Variants in TENM4 observed in about 807,000 individuals in gnomAD.
The protein encoded by TENM4 is teneurin transmembrane protein 4.
In TENM4, 82 loss-of-function variants were observed where a neutral mutation model predicts 243.3. The ratio of observed to expected loss-of-function variants is 0.34; its 90% CI spans 0.28 to 0.40. The LOEUF is 0.40. Among genes scored for constraint, TENM4 ranks in the 10% least tolerant of loss-of-function variants. TENM4 has a pLI of 1.00. For missense variants in TENM4, 3,138 were observed against 3,673.3 expected, an observed-to-expected ratio of 0.85 and a Z score of 3.77; for synonymous variants, 1,412 against 1,456.3, an observed-to-expected ratio of 0.97 and a Z score of 0.69.
chr11:79,019,630 TC>T (rs1381790216), intron 6 of TENM4, among the ~76,000 whole-genome samples: 1 of 152,226 alleles, frequency 6.6e-6, no homozygotes, highest in Non-Finnish European at 1.5e-5. Context: ...GAATATTTAT[TC>T]ATCACCCACT....
intron 16 of TENM4, among the ~76,000 whole-genome samples, chr11:78,781,457 A>C (rs992004646): frequency 6.6e-6 from 1 of 152,212 alleles, no homozygotes; most frequent in Non-Finnish European, 1.5e-5. Context: ...TTTATGCTAC[A>C]GACTGAGCTT....
intron 1 of TENM4, among the ~76,000 whole-genome samples, chr11:79,317,587 T>C (rs1031047753): frequency 2.0e-5 from 3 of 152,130 alleles, no homozygotes; most frequent in African/African-American, 7.2e-5. Context: ...ACAATCCTTA[T>C]TTTCAGAGAT....
intron 4 of TENM4, among the ~76,000 whole-genome samples, chr11:79,085,388 A>AAG (rs35826021): frequency 0.37 from 48,733 of 132,112 alleles, 8,843 homozygotes; most frequent in Non-Finnish European, 0.43. Context: ...AAAAAAAAAA[A>AAG]GGGGGGTTTT....
Position 78,702,299 on chromosome 11 carries a change from C to T in TENM4, c.4314G>A (p.Val1438=), listed in dbSNP as rs1859128298. Residue 1438 remains valine, a synonymous_variant, in exon 28 of 34, where the codon GTG becomes GTA. Transcript: ENST00000278550. The part of the protein sequence containing the change: ...VVLQISENHQ[V]RIVAGRPMHC... ...GCATGGGCCTCCCGGCGACAATGCG[C>T]ACCTGGTGGTTTTCAGAGATTTGCA... 6.2e-7 allele frequency: 1 copy of T among 1,614,038 alleles called. No homozygotes were observed. The highest frequency in any genetic ancestry group is 2.2e-5 in the East Asian group (1 of 44,886).
At chr11:79,007,447 G>A (rs1041478040) in intron 6 of TENM4, among the ~76,000 whole-genome samples, 1 of 152,066 alleles carries the variant, frequency 6.6e-6, no homozygotes, top group Non-Finnish European at 1.5e-5. Context: ...TAGAACACAG[G>A]CCTCTTGGAG....
chr11:79,077,664 T>C (rs989917649), intron 4 of TENM4, among the ~76,000 whole-genome samples: 2 of 152,166 alleles, frequency 1.3e-5, no homozygotes, highest in Non-Finnish European at 2.9e-5. Flanking sequence ...AAAATGAACC[T>C]GGCACAGACA....
In TENM4 at chr11:78,670,042, G is replaced by A; in HGVS notation, c.6303C>T (p.Thr2101=). The A allele has an allele frequency of 1.9e-6, 3 of 1,613,914 alleles. No homozygotes were observed. The highest frequency in any genetic ancestry group is 2.5e-6 in the Non-Finnish European group (3 of 1,179,882). The change falls in exon 32 of 34, where the codon ACC becomes ACT. Residue 2101 remains threonine (T), a synonymous_variant. Coordinates refer to ENST00000278550, the MANE Select transcript of TENM4 (RefSeq NM_001098816.3). ...VTSMQAVINE[T]PLPIDLYRYD... is the part of the protein sequence containing the mutation. ...AGCGATAGAGATCAATGGGCAGTGG[G>A]GTCTCGTTGATCACAGCCTGCATGC... is the stretch of plus-strand genomic sequence containing the variant.
intron 15 of TENM4, among the ~76,000 whole-genome samples, chr11:78,802,561 AAGC>A (rs1444286533): frequency 1.3e-5 from 2 of 152,230 alleles, no homozygotes; most frequent in Non-Finnish European, 2.9e-5. Flanking sequence ...GAGTGCTGGA[AAGC>A]AGGCTGCCCC....
At chr11:79,425,509 T>A (rs1028349403) in intron 1 of TENM4, among the ~76,000 whole-genome samples, 4 of 93,026 alleles carry the variant, frequency 4.3e-5, no homozygotes, top group Non-Finnish European at 6.7e-5. Flanking sequence ...CATGTTCTCC[T>A]GAGTCCTAGA....
chr11:79,216,246 A>G (rs1224364683), intron 2 of TENM4, among the ~76,000 whole-genome samples: 3 of 152,226 alleles, frequency 2.0e-5, no homozygotes, highest in African/African-American at 7.2e-5. Context: ...CAGGGACTGA[A>G]GATCTGCCCT....
intron 12 of TENM4, among the ~76,000 whole-genome samples, chr11:78,839,915 C>T (rs1858214057): frequency 6.6e-6 from 1 of 152,134 alleles, no homozygotes; most frequent in African/African-American, 2.4e-5. Flanking sequence ...ACATGTGAAC[C>T]AGATACACCT....
intron 16 of TENM4, among the ~76,000 whole-genome samples, chr11:78,778,898 T>C (rs1314532405): frequency 4.6e-5 from 7 of 152,100 alleles, no homozygotes; most frequent in African/African-American, 1.7e-4. Flanking sequence ...CAAGAAGACA[T>C]ATGAATAAGG....
At position 78,660,750 on chromosome 11, in the gene TENM4, G is replaced by T. The variant is rs1858010814; in HGVS notation, c.7551+699C>A. 2.6e-5 allele frequency among the ~76,000 whole-genome samples: 4 copies of T among 152,216 alleles called. No homozygotes were observed. In the South Asian group the frequency reaches 8.3e-4, roughly 32 times the overall value. On this transcript the variant is annotated intron_variant, in intron 33 of 33. Transcript: ENST00000278550. ...AGTTGGGTTCTCATAGAGAATTTAT[G>T]AATGGATTGGGGTAGTAGGGAGGGG... is the stretch of plus-strand genomic sequence containing the variant.
At chr11:78,688,679 G>A (rs1162023392) in intron 28 of TENM4, among the ~76,000 whole-genome samples, 1 of 152,148 alleles carries the variant, frequency 6.6e-6, no homozygotes, top group Non-Finnish European at 1.5e-5. Flanking sequence ...GGTTTTTCCT[G>A]AAAAACACTA....
rs1437598399 is a variant in TENM4, at chr11:79,085,390, G to GAAAA, written c.-65-15382_-65-15381insTTTT. Among the ~76,000 whole-genome samples, 100 of 122,784 alleles carry GAAAA rather than the reference G, an allele frequency of 8.1e-4. 1 individual carries two copies. Among genetic ancestry groups the GAAAA allele is most frequent in the Middle Eastern group, 4.2e-3 (1 of 240 alleles). 80.6% of individuals were successfully genotyped at this position (122,784 alleles called of 152,430 possible). A position where few individuals can be genotyped will look rare whatever the true frequency, so the allele number is the denominator to read the frequency against. ...AGACTCTGTCTCAAAAAAAAAAAAG[G>GAAAA]GGGGTTTTTTTTTTGGGTCAGGCTT... On this transcript the variant is annotated intron_variant, in intron 4 of 33. Coordinates refer to ENST00000278550, the MANE Select transcript of TENM4 (RefSeq NM_001098816.3).
At chr11:78,665,302 C>G (rs1284452033) in intron 32 of TENM4, among the ~76,000 whole-genome samples, 1 of 146,790 alleles carries the variant, frequency 6.8e-6, no homozygotes, top group African/African-American at 2.5e-5. Flanking sequence ...TTGACAGGGT[C>G]TCACTGTCAC....
intron 15 of TENM4, among the ~76,000 whole-genome samples, chr11:78,787,733 A>G (rs1856969839): frequency 6.6e-6 from 1 of 151,918 alleles, no homozygotes; most frequent in Non-Finnish European, 1.5e-5. Flanking sequence ...CCTCACCCCA[A>G]CTCCAAGAAC....
chr11:78,795,152 C>T (rs905710025), intron 15 of TENM4, among the ~76,000 whole-genome samples: 2 of 152,124 alleles, frequency 1.3e-5, no homozygotes, highest in Admixed American at 1.3e-4. Context: ...TCCTTGAAAC[C>T]CCCTCCCGGC....
intron 4 of TENM4, among the ~76,000 whole-genome samples, chr11:79,112,566 G>A (rs1861530224): frequency 6.6e-6 from 1 of 152,256 alleles, no homozygotes; most frequent in Non-Finnish European, 1.5e-5. Context: ...GTTCAGGTCA[G>A]GCCAGGGTCA....
Sources: allele counts gnomAD v4.1 joint callset (sites outside exome capture counted in the v4.1 genomes callset), GRCh38; gene constraint gnomAD v4.1.1; transcripts MANE v1.5; gene names NCBI Gene and HGNC (gene_info 2026-07-23, HGNC 2026-07-21).